Variants in ART1 observed in about 807,000 individuals in gnomAD.
ART1 encodes GPI-linked NAD(P)(+)--arginine ADP-ribosyltransferase 1.
ART1 carries 29 observed loss-of-function variants against 27.0 expected under a neutral mutation model. That is an observed-to-expected ratio of 1.08 (90% confidence interval 0.80 to 1.47). The LOEUF is 1.47. ART1 is among the 40% of genes most tolerant of loss of function. The pLI, the probability that ART1 is intolerant of heterozygous loss-of-function variation, is 0.00. For synonymous variants in ART1, 201 were observed against 172.2 expected (o/e 1.17, Z -1.31); for missense variants, 480 against 423.0 (o/e 1.13, Z -1.18).
At position 3,660,168 on chromosome 11, in the gene ART1, A is replaced by T. The variant is rs199558962; in HGVS notation, c.649A>T (p.Thr217Ser). Reference protein sequence around the residue: ...HVAAQQFGEDTFFGIWTCLGA... With the variant: ...HVAAQQFGEDSFFGIWTCLGA... ...TGCAGCCCAGCAGTTTGGTGAGGAC[A>T]CCTTCTTCGGCATCTGGACCTGCCT... The change falls in exon 3 of 5, where the codon ACC becomes TCC. Residue 217 changes from threonine to serine, a missense_variant. Coordinates refer to ENST00000250693, the MANE Select transcript of ART1 (RefSeq NM_004314.3). The T allele has an allele frequency of 6.8e-6, 11 of 1,613,758 alleles. No homozygotes were observed. In the Admixed American group the frequency reaches 1.8e-4, roughly 27 times the overall value.
intron 1 of ART1, chr11:3,655,594 T>C (rs11028806): frequency 0.63 from 95,426 of 152,120 alleles, 30,717 homozygotes; most frequent in Admixed American, 0.79. Context: ...CTATCCACTG[T>C]ACCTGCATGT....
chr11:3,659,324 C>A (rs768411188), intron 2 of ART1, 48 bp downstream of exon 2: 1 of 1,611,658 alleles, frequency 6.2e-7, no homozygotes, highest in South Asian at 1.1e-5. Flanking sequence ...ACTGAGCCAT[C>A]GGCTTCTTCT....
chr11:3,659,528 G>A lies in ART1; in HGVS notation c.64-55G>A, dbSNP rs573354342. ...TGGAGGGGAGAGCTGGATGGCAGGG[G>A]ACTCATTCTCCCAGGGGCCTATCCT... is the stretch of plus-strand genomic sequence containing the variant. On this transcript the variant is annotated intron_variant, in intron 2 of 4. Transcript: ENST00000250693. 23 of 1,522,102 alleles carry A rather than the reference G, an allele frequency of 1.5e-5. No homozygotes were observed. In the South Asian group the frequency reaches 2.8e-4, roughly 19 times the overall value. The allele number at this position is 1,522,102 out of a possible 1,614,324, so 94.3% of individuals were successfully genotyped here. A position where few individuals can be genotyped will look rare whatever the true frequency, so the allele number is the denominator to read the frequency against.
intron 1 of ART1, among the ~76,000 whole-genome samples, chr11:3,658,467 G>A (rs1382856893): frequency 6.6e-6 from 1 of 152,160 alleles, no homozygotes; most frequent in Non-Finnish European, 1.5e-5. Flanking sequence ...GGGTGTGGAA[G>A]GCTTGTGGTT....
At chr11:3,661,306 C>A in intron 3 of ART1, 66 bp from the exon 4 acceptor site, 2 of 1,464,788 alleles carry the variant, frequency 1.4e-6, no homozygotes, top group Non-Finnish European at 9.4e-7. Context: ...ACTACCAGGG[C>A]TCTGAGGTCC....
chr11:3,659,233 T>G lies in ART1; in HGVS notation c.20T>G (p.Met7Arg), dbSNP rs765509255. 6 of 1,614,230 alleles carry G rather than the reference T, an allele frequency of 3.7e-6. No individual in the cohort carries two copies. The South Asian group carries it at 6.6e-5, about 18-fold the overall frequency. Residue 7 changes from methionine (M) to arginine (R), a missense_variant, in exon 2 of 5, where the codon ATG becomes AGG. Met to Arg is a moderately conservative substitution (Grantham distance 91). Coordinates refer to ENST00000250693, the MANE Select transcript of ART1 (RefSeq NM_004314.3). ...ACCAGCATGCAGATGCCTGCTATGA[T>G]GTCTCTGCTTCTTGTGTCTGTGGGC... MQMPAM[M>R]SLLLVSVGLM...
At chr11:3,649,120 T>G (rs2077495576) in intron 1 of ART1, among the ~76,000 whole-genome samples, 3 of 152,012 alleles carry the variant, frequency 2.0e-5, no homozygotes, top group East Asian at 1.9e-4. Flanking sequence ...TTCCCTCCGT[T>G]TCTCTACTCT....
In ART1 at chr11:3,664,108, C is replaced by G; in HGVS notation, c.903C>G (p.Pro301=). The G allele has an allele frequency of 6.2e-7, 1 of 1,613,992 alleles. No individual in the cohort carries two copies. The highest frequency in any genetic ancestry group is 8.5e-7 in the Non-Finnish European group (1 of 1,180,010). ...HLDNSAMGQS[P]LSAVWSLLLL... ...TCCCTGCAGCCATGGGTCAGAGCCC[C>G]CTCTCTGCAGTCTGGTCTTTGCTGC... Residue 301 remains proline, a synonymous_variant, in exon 5 of 5, where the codon CCC becomes CCG. Coordinates refer to ENST00000250693, the MANE Select transcript of ART1 (RefSeq NM_004314.3).
At chr11:3,650,253 C>T (rs2077509243) in intron 1 of ART1, among the ~76,000 whole-genome samples, 1 of 152,196 alleles carries the variant, frequency 6.6e-6, no homozygotes, top group Non-Finnish European at 1.5e-5. Context: ...TACCCACAGC[C>T]CAGGATTCCT....
intron 1 of ART1, among the ~76,000 whole-genome samples, chr11:3,650,390 C>T (rs2077510683): frequency 6.6e-6 from 1 of 152,260 alleles, no homozygotes; most frequent in African/African-American, 2.4e-5. Flanking sequence ...CCCAGATCTT[C>T]TCGGCTTAGC....
Position 3,659,925 on chromosome 11 carries a change from C to T in ART1, c.406C>T (p.Arg136Cys), listed in dbSNP as rs371356884. ...GCACAAGGAGTTCAATGCAGCCGTG[C>T]GTGAGGCGGGCCGCTCCCGGGCCCA... The part of the protein sequence containing the change: ...PLHKEFNAAV[R>C]EAGRSRAHYL... The change falls in exon 3 of 5, where the codon CGT (arginine) becomes TGT (cysteine). Residue 136 changes from arginine to cysteine, a missense_variant. Arg to Cys is a radical substitution (Grantham distance 180, BLOSUM62 -3). Coordinates refer to ENST00000250693, the MANE Select transcript of ART1 (RefSeq NM_004314.3). 5.5e-5 allele frequency: 89 copies of T among 1,612,994 alleles called. No homozygotes were observed. The highest frequency in any genetic ancestry group is 6.0e-5 in the Non-Finnish European group (71 of 1,179,626).
intron 1 of ART1, among the ~76,000 whole-genome samples, chr11:3,658,175 A>G (rs1327338850): frequency 6.6e-6 from 1 of 151,876 alleles, no homozygotes; most frequent in East Asian, 1.9e-4. Context: ...TTTACTAAAA[A>G]TACAAAAATT....
chr11:3,655,460 A>C (rs888473242), intron 1 of ART1: 1 of 152,222 alleles, frequency 6.6e-6, no homozygotes, highest in African/African-American at 2.4e-5. Flanking sequence ...TGAGAATATT[A>C]AATCCCTTAC....
chr11:3,655,239 A>T (rs1308280506), intron 1 of ART1, among the ~76,000 whole-genome samples: 1 of 152,214 alleles, frequency 6.6e-6, no homozygotes, highest in South Asian at 2.1e-4. Flanking sequence ...TCCTTCCCCC[A>T]AAAGCAGACC....
At position 3,655,645 on chromosome 11, in the gene ART1, C is replaced by T. The variant is rs915922238; in HGVS notation, c.-52-3517C>T. 3.9e-5 allele frequency: 6 copies of T among 152,266 alleles called. No individual in the cohort carries two copies. In the South Asian group the frequency reaches 1.2e-3, roughly 32 times the overall value. The allele number at this position is 152,266 out of a possible 1,614,324, so 9.4% of individuals were successfully genotyped here. Reference sequence around the variant, plus strand: ...CTCCGGGAATATGGGCTGAGGAATCCACAGTGTCAGGTACACTCTCTTTTA... The same window carrying T: ...CTCCGGGAATATGGGCTGAGGAATCTACAGTGTCAGGTACACTCTCTTTTA... On this transcript the variant is annotated intron_variant, in intron 1 of 4. Transcript: ENST00000250693.
At chr11:3,659,120 C>A in intron 1 of ART1, 42 bp from the exon 2 acceptor site, 1 of 1,205,336 alleles carries the variant, frequency 8.3e-7, no homozygotes, top group Non-Finnish European at 1.2e-6. Context: ...AGTGTCGATT[C>A]ATGTTTATTA....
chr11:3,650,163 A>T (rs552962591), intron 1 of ART1, among the ~76,000 whole-genome samples: 1 of 152,320 alleles, frequency 6.6e-6, no homozygotes, highest in South Asian at 2.1e-4. Flanking sequence ...CCTGAACTGC[A>T]GCTGCCAGGG....
At position 3,664,146 on chromosome 11, in the gene ART1, T is replaced by G; in HGVS notation, c.941T>G (p.Phe314Cys). The G allele has an allele frequency of 6.2e-7, 1 of 1,614,084 alleles. No homozygotes were observed. The highest frequency in any genetic ancestry group is 8.5e-7 in the Non-Finnish European group (1 of 1,180,012). The change falls in exon 5 of 5, where the codon TTC becomes TGC. Residue 314 changes from phenylalanine to cysteine, a missense_variant. Physicochemically the swap from Phe to Cys is radical, Grantham distance 205. Coordinates refer to ENST00000250693, the MANE Select transcript of ART1 (RefSeq NM_004314.3). ...AVWSLLLLLW[F>C]LVVRAFPDGP... ...TGGTCTTTGCTGCTGCTGCTCTGGT[T>G]CCTCGTGGTGAGGGCCTTTCCAGAT...
chr11:3,646,027 C>G (rs1328215018), intron 1 of ART1, among the ~76,000 whole-genome samples: 1 of 151,746 alleles, frequency 6.6e-6, no homozygotes, highest in Non-Finnish European at 1.5e-5. Flanking sequence ...GGCCTCTGTC[C>G]TTAGGGTATG....
Sources: gnomAD v4.1 joint callset for allele counts (sites outside exome capture counted in the v4.1 genomes callset) on GRCh38, gnomAD v4.1.1 for gene constraint, MANE v1.5 for transcripts, NCBI Gene and HGNC (gene_info 2026-07-23, HGNC 2026-07-21) for gene names.